The following COL4A4 variants were observed in gnomAD, a reference collection of about 807,000 sequenced individuals.
COL4A4 encodes the protein collagen alpha-4(IV) chain.
COL4A4 carries 105 observed loss-of-function variants against 192.9 expected under a neutral mutation model. The ratio of observed to expected loss-of-function variants is 0.54; its 90% confidence interval spans 0.46 to 0.64. The LOEUF is 0.64. COL4A4 is among the 30% of genes least tolerant of loss of function. The pLI is 0.00. For synonymous variants in COL4A4, 762 were observed against 769.9 expected (o/e 0.99, Z 0.17); for missense variants, 1,967 against 2,169.3 (o/e 0.91, Z 1.85).
intron 1 of COL4A4, among the ~76,000 whole-genome samples, chr2:227,151,252 A>G (rs1489534276): frequency 2.6e-5 from 4 of 152,192 alleles, no homozygotes; most frequent in African/African-American, 9.7e-5. Context: ...TTATGTCTCT[A>G]ATTCTTAAAA....
intron 12 of COL4A4, among the ~76,000 whole-genome samples, chr2:227,106,393 A>G (rs2060844971): frequency 1.3e-5 from 2 of 152,234 alleles, no homozygotes; most frequent in South Asian, 4.1e-4. Flanking sequence ...CCATATACTC[A>G]GCATAGTCAA....
At chr2:227,098,498 G>A (rs150373456) in intron 19 of COL4A4, among the ~76,000 whole-genome samples, 196 bp downstream of exon 19, 4 of 152,278 alleles carry the variant, frequency 2.6e-5, no homozygotes, top group African/African-American at 7.2e-5. Context: ...ACACAGGAGC[G>A]CTTCTACAGT....
chr2:227,019,026 G>T (rs1387064523), intron 44 of COL4A4, among the ~76,000 whole-genome samples: 1 of 152,172 alleles, frequency 6.6e-6, no homozygotes, highest in Non-Finnish European at 1.5e-5. Context: ...TTTTTTTAAA[G>T]CCACCACAGT....
chr2:227,129,488 C>A (rs1365250184), intron 4 of COL4A4, among the ~76,000 whole-genome samples: 1 of 151,362 alleles, frequency 6.6e-6, no homozygotes, highest in Non-Finnish European at 1.5e-5. Context: ...CAGCTCACTG[C>A]AACCTCTGCC....
chr2:226,975,976 C>G, the COL4A4 span, among the ~76,000 whole-genome samples: 5 of 151,976 alleles, frequency 3.3e-5, no homozygotes, highest in Non-Finnish European at 7.4e-5. Flanking sequence ...CAGTCACACT[C>G]ATGGTTCCAG....
intron 25 of COL4A4, 69 bp from the exon 26 acceptor site, chr2:227,062,667 G>T: frequency 1.9e-6 from 2 of 1,062,492 alleles, no homozygotes; most frequent in South Asian, 1.3e-5. Flanking sequence ...CTGTCTCAAT[G>T]ACAACTTCCT....
chr2:227,158,204 A>G (rs2064507104), intron 1 of COL4A4, among the ~76,000 whole-genome samples: 1 of 152,184 alleles, frequency 6.6e-6, no homozygotes, highest in Non-Finnish European at 1.5e-5. Context: ...TTGATTTTTC[A>G]CAAAGGTGCC....
chr2:227,131,137 CTGCT>C (rs1004312341), intron 4 of COL4A4, among the ~76,000 whole-genome samples: 1 of 150,648 alleles, frequency 6.6e-6, no homozygotes, highest in African/African-American at 2.5e-5. Flanking sequence ...GAAAATCTGT[CTGCT>C]TTTTTTTTTT....
At chr2:227,051,769 TTATG>T (rs1291370381) in intron 32 of COL4A4, among the ~76,000 whole-genome samples, 1 of 152,182 alleles carries the variant, frequency 6.6e-6, no homozygotes, top group Admixed American at 6.5e-5. Context: ...AACCAGTATT[TTATG>T]TATAGCTCAG....
chr2:227,090,943 C>T (rs1269930828), intron 20 of COL4A4, among the ~76,000 whole-genome samples: 1 of 148,090 alleles, frequency 6.8e-6, no homozygotes, highest in Non-Finnish European at 1.5e-5. Context: ...TGATTTACCC[C>T]AGAAATGTCT....
chr2:227,060,725 ATTT>A (rs11458771), intron 26 of COL4A4, among the ~76,000 whole-genome samples: 18,458 of 139,026 alleles, frequency 0.13, 1,348 homozygotes, highest in African/African-American at 0.23. Flanking sequence ...GTAATAGAGA[ATTT>A]TTTTTTTTTT....
rs2060543331 is a variant in COL4A4, at chr2:227,101,865, C to A, written c.975G>T (p.Lys325Asn). 1.3e-6 allele frequency: 2 copies of A among 1,585,358 alleles called. No individual in the cohort carries two copies. Among genetic ancestry groups the A allele is most frequent in the Non-Finnish European group, 8.6e-7 (1 of 1,160,034 alleles). The change falls in exon 16 of 48, where the codon AAG (lysine) becomes AAT (asparagine). Residue 325 changes from lysine (K) to asparagine (N), a missense_variant and splice_region_variant. Lys to Asn is a moderately conservative substitution (Grantham distance 94). Transcript: ENST00000396625. ...TATCTCTATAATGAGGTACATTTAC[C>A]TTTAATCCTGGAAAACCTGGAGATC... ...SYGSPGFPGL[K>N]GELGLVGDPG...
Position 227,088,988 on chromosome 2 carries a change from A to C in COL4A4, c.1460-172T>G, listed in dbSNP as rs1036307640. On this transcript the variant is annotated intron_variant, in intron 21 of 47. Transcript: ENST00000396625. ...GGCTGGGTGTGGCATGGGGCACTAC[A>C]TGGGGTGCCTAGGCATGGGATGTAG... 2.6e-5 allele frequency among the ~76,000 whole-genome samples: 4 copies of C among 152,182 alleles called. No individual in the cohort carries two copies. In the East Asian group the frequency reaches 7.7e-4, roughly 29 times the overall value.
rs1432433857 is a variant in COL4A4 at position 227,057,531 on chromosome 2, G to C, written c.2453C>G (p.Pro818Arg). ...PKGREGHAGF[P>R]GVPGPPGHSC... ...ATGGCCAGGTGGACCTGGGACACCT[G>C]GAAACCCAGCATGTCCCTCTCTGCC... The change falls in exon 29 of 48, where the codon CCA (proline) becomes CGA (arginine). Residue 818 changes from proline (P) to arginine (R), a missense_variant. By Grantham distance (103) the Pro-to-Arg change is moderately radical. Transcript: ENST00000396625. 6.2e-6 allele frequency: 10 copies of C among 1,613,976 alleles called. No individual in the cohort carries two copies. The highest frequency in any genetic ancestry group is 8.5e-6 in the Non-Finnish European group (10 of 1,179,986).
intron 25 of COL4A4, among the ~76,000 whole-genome samples, chr2:227,074,795 A>G (rs965535093): frequency 3.9e-5 from 6 of 152,164 alleles, no homozygotes; most frequent in African/African-American, 7.2e-5. Flanking sequence ...ATGAAGTAAC[A>G]CAGGAGTGGA....
rs759776011 is a variant in COL4A4, at chr2:227,088,729, T to A, written c.1547A>T (p.Asp516Val). 1.9e-6 allele frequency: 3 copies of A among 1,613,988 alleles called. No individual in the cohort carries two copies. Among genetic ancestry groups the A allele is most frequent in the South Asian group, 2.2e-5 (2 of 91,062 alleles). Residue 516 changes from aspartate (D) to valine (V), a missense_variant, in exon 22 of 48, where the codon GAC becomes GTC. Coordinates refer to ENST00000396625, the MANE Select transcript of COL4A4 (RefSeq NM_000092.5). ...TCCAAGCCAGCCAGGGAGCCCCAAG[T>A]CTCCCTTACTCCCCTGCCTCCCAGG... ...GLPGRQGSKGDLGLPGWLGTK... is the reference protein window; with the variant it reads ...GLPGRQGSKGVLGLPGWLGTK...
intron 22 of COL4A4, among the ~76,000 whole-genome samples, chr2:227,083,470 G>A (rs953121358): frequency 4.0e-5 from 6 of 151,724 alleles, no homozygotes; most frequent in South Asian, 2.1e-4. Flanking sequence ...TTTTTGAGAC[G>A]GGGTCTCACT....
chr2:227,121,285 G>A (rs769569025), intron 4 of COL4A4, 137 bp from the exon 5 acceptor site: 107 of 1,030,800 alleles, frequency 1.0e-4, no homozygotes, highest in Non-Finnish European at 1.5e-4. Flanking sequence ...CAAATGGCTG[G>A]AGATGGTGGC....
At chr2:227,132,740 C>A (rs1454972264) in intron 4 of COL4A4, among the ~76,000 whole-genome samples, 2 of 152,186 alleles carry the variant, frequency 1.3e-5, no homozygotes, top group Admixed American at 1.3e-4. Flanking sequence ...TGCACCACTG[C>A]ACTCCAGCCT....
Sources: allele counts gnomAD v4.1 joint callset (sites outside exome capture counted in the v4.1 genomes callset), GRCh38; gene constraint gnomAD v4.1.1; transcripts MANE v1.5; gene names NCBI Gene and HGNC (gene_info 2026-07-23, HGNC 2026-07-21).